Variants in MAP3K7CL observed in about 807,000 individuals in gnomAD.
MAP3K7CL encodes MAP3K7 C-terminal like, also known as MAP3K7 C-terminal-like protein.
Under a neutral mutation model 18.6 loss-of-function variants are expected in MAP3K7CL, and 16 were observed. That is an observed-to-expected ratio of 0.86 (90% CI 0.58 to 1.31). The LOEUF (loss-of-function observed/expected upper bound fraction) is 1.31. Among genes scored for constraint, MAP3K7CL ranks in the 50% most tolerant of loss-of-function variants. The pLI is 0.00. For missense variants in MAP3K7CL, 163 were observed against 174.4 expected, an observed-to-expected ratio of 0.93 and a Z score of 0.37; for synonymous variants, 65 against 66.8, an observed-to-expected ratio of 0.97 and a Z score of 0.13.
chr21:29,085,987 G>A, intron 1 of MAP3K7CL: 2 of 1,549,922 alleles, frequency 1.3e-6, no homozygotes, highest in South Asian at 2.2e-5. Flanking sequence ...GTGAAAACAG[G>A]GTGGGAAAAA....
Position 29,174,968 on chromosome 21 carries a change from A to G in MAP3K7CL, c.*76A>G. On this transcript the variant is annotated 3_prime_UTR_variant, in exon 5 of 5. Transcript: ENST00000399928. ...GCCAAAAGATTTTTATTTTAAATGA[A>G]TAGTGAGTCAGATCTATTGCTTCTC... 24 of 1,383,316 alleles carry G rather than the reference A, an allele frequency of 1.7e-5. No homozygotes were observed. The highest frequency in any genetic ancestry group is 4.2e-5 in the South Asian group (3 of 71,324). The allele number at this position is 1,383,316 out of a possible 1,614,324, so 85.7% of individuals were successfully genotyped here. A position where few individuals can be genotyped will look rare whatever the true frequency, so the allele number is the denominator to read the frequency against.
At chr21:29,162,968 G>A (rs979322733) in intron 4 of MAP3K7CL, among the ~76,000 whole-genome samples, 1 of 152,098 alleles carries the variant, frequency 6.6e-6, no homozygotes, top group Non-Finnish European at 1.5e-5. Flanking sequence ...TTAGTCGGGT[G>A]TGGTAGATAG....
At position 29,085,887 on chromosome 21, in the gene MAP3K7CL, A is replaced by C. The variant is rs751144191; in HGVS notation, c.27A>C (p.Glu9Asp). Residue 9 changes from glutamate (E) to aspartate (D), a missense_variant, in exon 1 of 7, where the codon GAA (glutamate) becomes GAC (aspartate). Coordinates refer to the MAP3K7CL transcript ENST00000286791. ...TGGTTCAGCTGATTGCACCTTTAGA[A>C]GTTATGTGGAACGAGGCAGCAGATC... is the stretch of plus-strand genomic sequence containing the variant. 2.5e-6 allele frequency: 4 copies of C among 1,614,048 alleles called. No homozygotes were observed. The East Asian group carries it at 8.9e-5, about 36-fold the overall frequency.
At chr21:29,081,897 A>G (rs1299048921), upstream of MAP3K7CL, among the ~76,000 whole-genome samples, 1 of 152,300 alleles carries the variant, frequency 6.6e-6, no homozygotes, top group Admixed American at 6.5e-5. Context: ...TCTTTACTCA[A>G]TATTTGATTC....
intron 4 of MAP3K7CL, among the ~76,000 whole-genome samples, chr21:29,112,192 A>G (rs1337846405): frequency 2.6e-5 from 4 of 152,076 alleles, no homozygotes; most frequent in Non-Finnish European, 5.9e-5. Context: ...CAGCTACTCA[A>G]GAGGCTGAGG....
At chr21:29,158,732 G>A (rs2087466314) in intron 3 of MAP3K7CL, among the ~76,000 whole-genome samples, 1 of 151,456 alleles carries the variant, frequency 6.6e-6, no homozygotes, top group Non-Finnish European at 1.5e-5. Context: ...TAAAATTAGT[G>A]ACAATATGAC....
chr21:29,109,252 A>G, intron 4 of MAP3K7CL: 2 of 1,534,552 alleles, frequency 1.3e-6, no homozygotes, highest in South Asian at 1.2e-5. Flanking sequence ...AATTCCATAT[A>G]TACAACCAGA....
chr21:29,110,308 CT>C (rs2086397417), intron 4 of MAP3K7CL, among the ~76,000 whole-genome samples: 1 of 152,154 alleles, frequency 6.6e-6, no homozygotes, highest in Non-Finnish European at 1.5e-5. Context: ...GGTACGTCTA[CT>C]TTTTCACTTT....
exon 2 of MAP3K7CL, chr21:29,091,507 G>T (rs774886661): frequency 2.9e-6 from 2 of 694,746 alleles, no homozygotes; most frequent in Non-Finnish European, 5.2e-6. Flanking sequence ...ACAGCCCCTT[G>T]CTCTGTCACG....
chr21:29,139,792 C>T (rs1041140393), intron 2 of MAP3K7CL, among the ~76,000 whole-genome samples: 1 of 151,934 alleles, frequency 6.6e-6, no homozygotes, highest in Non-Finnish European at 1.5e-5. Flanking sequence ...CCCATGTTGA[C>T]CAGTCTGTTC....
chr21:29,165,205 AT>A (rs1374243940), intron 4 of MAP3K7CL, among the ~76,000 whole-genome samples: 1 of 152,204 alleles, frequency 6.6e-6, no homozygotes, highest in Non-Finnish European at 1.5e-5. Context: ...GAAACCACTT[AT>A]TTATTTTTTT....
Position 29,113,778 on chromosome 21 carries a change from C to T in MAP3K7CL, c.370+21197C>T, listed in dbSNP as rs556903431. Among the ~76,000 whole-genome samples the T allele has an allele frequency of 3.3e-5, 5 of 152,222 alleles. No homozygotes were observed. In the East Asian group the frequency reaches 9.7e-4, roughly 29 times the overall value. Reference sequence around the variant, plus strand: ...ACCTCAGGTGATGATCTGCCTGCCTCGGCCTCCTGAAGTGCTGGGATTACT... The same window carrying T: ...ACCTCAGGTGATGATCTGCCTGCCTTGGCCTCCTGAAGTGCTGGGATTACT... On this transcript the variant is annotated intron_variant, in intron 4 of 6. Transcript: ENST00000286791.
In MAP3K7CL at chr21:29,149,182, G is replaced by A. The variant is rs1189431248; in HGVS notation, c.71-7G>A. ...TAGTGAAGAATCATTTTATTTCCTT[G>A]TTTTAGATGATACACCCCCTGAAGA... On this transcript the variant is annotated splice_region_variant and splice_polypyrimidine_tract_variant and intron_variant, in intron 2 of 4. Coordinates refer to ENST00000399928, the MANE Select transcript of MAP3K7CL (RefSeq NM_001286620.2). The A allele has an allele frequency of 6.2e-7, 1 of 1,613,112 alleles. No individual in the cohort carries two copies. The highest frequency in any genetic ancestry group is 1.3e-5 in the African/African-American group (1 of 74,900).
At chr21:29,156,657 A>G (rs1815692815) in intron 3 of MAP3K7CL, among the ~76,000 whole-genome samples, 1 of 152,242 alleles carries the variant, frequency 6.6e-6, no homozygotes, top group African/African-American at 2.4e-5. Flanking sequence ...ACATTATATC[A>G]CAAAGCAATG....
intron 1 of MAP3K7CL, among the ~76,000 whole-genome samples, chr21:29,086,738 T>C (rs2085931666): frequency 6.6e-6 from 1 of 152,232 alleles, no homozygotes; most frequent in South Asian, 2.1e-4. Flanking sequence ...TAAGGCCCTG[T>C]TCTTTCTTCA....
intron 3 of MAP3K7CL, among the ~76,000 whole-genome samples, chr21:29,159,633 A>C (rs1386519313): frequency 2.6e-5 from 4 of 152,122 alleles, no homozygotes; most frequent in Admixed American, 2.0e-4. Flanking sequence ...AATCCTTTGG[A>C]GACTTATTTT....
intron 4 of MAP3K7CL, among the ~76,000 whole-genome samples, chr21:29,164,261 CCAAA>C (rs1465486899): frequency 1.3e-5 from 2 of 152,034 alleles, no homozygotes; most frequent in South Asian, 2.1e-4. Context: ...ATGTCTTTTC[CCAAA>C]CAGTCTTTAT....
At chr21:29,124,215 G>A (rs1304237238) in intron 4 of MAP3K7CL, among the ~76,000 whole-genome samples, 6 of 151,836 alleles carry the variant, frequency 4.0e-5, no homozygotes, top group African/African-American at 1.5e-4. Flanking sequence ...TTAGCTGGGC[G>A]TGGTGGCAGG....
intron 4 of MAP3K7CL, among the ~76,000 whole-genome samples, chr21:29,122,649 G>A (rs2086614472): frequency 6.6e-6 from 1 of 152,220 alleles, no homozygotes; most frequent in Non-Finnish European, 1.5e-5. Flanking sequence ...CCAACGTCTA[G>A]CTGCTGCTGC....
Sources: gnomAD v4.1 joint callset for allele counts (sites outside exome capture counted in the v4.1 genomes callset) on GRCh38, gnomAD v4.1.1 for gene constraint, MANE v1.5 for transcripts, NCBI Gene and HGNC (gene_info 2026-07-23, HGNC 2026-07-21) for gene names.